MYCBP: variants seen among roughly 807,000 people sequenced by gnomAD.
The protein encoded by MYCBP is MYC binding protein.
MYCBP carries 5 observed loss-of-function variants against 16.8 expected under a neutral mutation model. The ratio of observed to expected loss-of-function variants is 0.30; its 90% confidence interval spans 0.16 to 0.63. The LOEUF (loss-of-function observed/expected upper bound fraction) is 0.63, where lower values mean the gene tolerates loss of function less well. MYCBP is among the 20% of genes least tolerant of loss of function. The pLI is 0.83. For synonymous variants in MYCBP, 35 were observed against 43.7 expected (o/e 0.80, Z 0.79); for missense variants, 103 against 121.8 (o/e 0.85, Z 0.73).
intron 2 of MYCBP, among the ~76,000 whole-genome samples, chr1:38,868,547 G>A (rs1437433726): frequency 6.6e-6 from 1 of 152,068 alleles, no homozygotes; most frequent in Non-Finnish European, 1.5e-5. Flanking sequence ...CTAAATCAGT[G>A]GTTGGCCTTT....
At chr1:38,868,052 T>C (rs1642376032) in intron 2 of MYCBP, among the ~76,000 whole-genome samples, 1 of 152,204 alleles carries the variant, frequency 6.6e-6, no homozygotes, top group African/African-American at 2.4e-5. Context: ...GGAAAGGTGG[T>C]CATGGCCAGA....
chr1:38,868,676 C>T (rs536770659), intron 2 of MYCBP, among the ~76,000 whole-genome samples: 11 of 152,186 alleles, frequency 7.2e-5, no homozygotes, highest in South Asian at 2.1e-4. Context: ...GAGGCCAAGG[C>T]GGGCAGATCA....
rs1244930832 is a variant in MYCBP, at chr1:38,873,295, T to C, written c.11A>G (p.Tyr4Cys). 7 of 1,603,134 alleles carry C rather than the reference T, an allele frequency of 4.4e-6. 1 individual carries two copies. Among genetic ancestry groups the C allele is most frequent in the South Asian group, 2.2e-5 (2 of 90,756 alleles). Reference sequence around the variant, plus strand: ...GCCACGCCGCGCCCCCCTCACTTTGTAATGGGCCATAGTGACAGCGGCAGC... The same window carrying C: ...GCCACGCCGCGCCCCCCTCACTTTGCAATGGGCCATAGTGACAGCGGCAGC... The part of the protein sequence containing the change: MAH[Y>C]KAADSKREQF... The change falls in exon 1 of 5, where the codon TAC becomes TGC. Residue 4 changes from tyrosine to cysteine, a missense_variant. By Grantham distance (194) the Tyr-to-Cys change is radical. Transcript: ENST00000397572.
chr1:38,866,277 A>C (rs947300611), intron 4 of MYCBP, among the ~76,000 whole-genome samples: 1 of 151,762 alleles, frequency 6.6e-6, no homozygotes, highest in African/African-American at 2.4e-5. Flanking sequence ...GGAACACCTG[A>C]CCGCAGGTGA....
At chr1:38,866,846 A>G (rs1414709773) in intron 4 of MYCBP, 34 bp downstream of exon 4, 1 of 1,428,464 alleles carries the variant, frequency 7.0e-7, no homozygotes, top group Non-Finnish European at 9.5e-7. Context: ...TACAGGTAAA[A>G]TTATTTGAAT....
intron 4 of MYCBP, 80 bp downstream of exon 4, chr1:38,866,800 C>A: frequency 8.8e-7 from 1 of 1,142,760 alleles, no homozygotes; most frequent in Non-Finnish European, 1.2e-6. Flanking sequence ...CCCTCCCCTC[C>A]TGTCCATTTC....
rs1025076126 is a variant in MYCBP at position 38,864,056 on chromosome 1, G to C, written c.*614C>G. 1 of 153,074 alleles carries C rather than the reference G, an allele frequency of 6.5e-6. No individual in the cohort carries two copies. The highest frequency in any genetic ancestry group is 1.5e-5 in the Non-Finnish European group (1 of 68,396). The allele number at this position is 153,074 out of a possible 1,614,324, so 9.5% of individuals were successfully genotyped here. ...TGCAACTAGGACCCACTAAAGCTCAGAGGAAAGCAATGCAAGATTATCAGA... is the reference window on the plus strand; with the variant it reads ...TGCAACTAGGACCCACTAAAGCTCACAGGAAAGCAATGCAAGATTATCAGA... On this transcript the variant is annotated 3_prime_UTR_variant, in exon 5 of 5. Transcript: ENST00000397572.
At position 38,873,281 on chromosome 1, in the gene MYCBP, C is replaced by T. The variant is rs1318395229; in HGVS notation, c.15+10G>A. 1.9e-6 allele frequency: 3 copies of T among 1,601,326 alleles called. No homozygotes were observed. The highest frequency in any genetic ancestry group is 3.4e-5 in the Admixed American group (2 of 59,620). ...CCCGCATGCCCCCAGCCACGCCGCG[C>T]CCCCCTCACTTTGTAATGGGCCATA... On this transcript the variant is annotated intron_variant, in intron 1 of 4. Transcript: ENST00000397572.
chr1:38,865,462 GA>G (rs1642315573), intron 4 of MYCBP, among the ~76,000 whole-genome samples: 1 of 152,156 alleles, frequency 6.6e-6, no homozygotes, highest in South Asian at 2.1e-4. Context: ...AAAGACTTAA[GA>G]GTTGACTAAT....
intron 4 of MYCBP, 118 bp from the exon 5 acceptor site, chr1:38,864,832 A>T: frequency 1.2e-6 from 1 of 864,252 alleles, no homozygotes; most frequent in South Asian, 1.5e-5. Context: ...TATTAATATC[A>T]GTTTCTATAA....
At chr1:38,873,148 C>T (rs558734559) in intron 1 of MYCBP, 58 bp from the exon 2 acceptor site, 1 of 1,551,954 alleles carries the variant, frequency 6.4e-7, no homozygotes, top group African/African-American at 1.4e-5. Flanking sequence ...GAAGAAGGCG[C>T]TGGGAGTCCG....
chr1:38,872,882 C>A, intron 2 of MYCBP, 136 bp downstream of exon 2: 1 of 1,021,402 alleles, frequency 9.8e-7, no homozygotes, highest in Non-Finnish European at 1.4e-6. Flanking sequence ...TGCTGAACCC[C>A]GAGGCCCACC....
At chr1:38,867,096 T>TCACC (rs1252307308) in intron 3 of MYCBP, 87 bp from the exon 4 acceptor site, 3 of 1,252,874 alleles carry the variant, frequency 2.4e-6, no homozygotes, top group Non-Finnish European at 3.3e-6. Context: ...CTGACCAGAG[T>TCACC]CACCCACTTT....
chr1:38,873,132 G>T lies in MYCBP; in HGVS notation c.16-42C>A, dbSNP rs374910711. 140 of 1,552,778 alleles carry T rather than the reference G, an allele frequency of 9.0e-5. No individual in the cohort carries two copies. In the African/African-American group the frequency reaches 1.8e-3, roughly 20 times the overall value. ...GGTCAGTGGCCAGAGCCCGGGAGCC[G>T]AGCAGGAAGAAGGCGCTGGGAGTCC... On this transcript the variant is annotated intron_variant, in intron 1 of 4. Coordinates refer to ENST00000397572, the MANE Select transcript of MYCBP (RefSeq NM_012333.5).
rs371950267 is a variant in MYCBP at position 38,864,659 on chromosome 1, T to C, written c.*11A>G. 3 of 1,613,670 alleles carry C rather than the reference T, an allele frequency of 1.9e-6. No homozygotes were observed. Among genetic ancestry groups the C allele is most frequent in the African/African-American group, 2.7e-5 (2 of 74,920 alleles). Reference sequence around the variant, plus strand: ...AACCATTTTTCATTGTCTTTCAAACTGAGAAGAATCCTATTCAGCACGCTT... The same window carrying C: ...AACCATTTTTCATTGTCTTTCAAACCGAGAAGAATCCTATTCAGCACGCTT... On this transcript the variant is annotated 3_prime_UTR_variant, in exon 5 of 5. Coordinates refer to ENST00000397572, the MANE Select transcript of MYCBP (RefSeq NM_012333.5).
chr1:38,872,880 C>G (rs1642495445), intron 2 of MYCBP, 138 bp downstream of exon 2: 1 of 1,001,578 alleles, frequency 1.0e-6, no homozygotes, highest in African/African-American at 1.6e-5. Context: ...CCTGCTGAAC[C>G]CCGAGGCCCA....
At position 38,870,799 on chromosome 1, in the gene MYCBP, C is replaced by CAAAAAAA. The variant is rs60684785; in HGVS notation, c.88+2212_88+2218dup. ...TGGGCGACAGAGCGAGACTCCGTCT[C>CAAAAAAA]AAAAAAAAAAAAAAAAAAAAAAAAA... On this transcript the variant is annotated intron_variant, in intron 2 of 4. Transcript: ENST00000397572. 6.3e-4 allele frequency among the ~76,000 whole-genome samples: 38 copies of CAAAAAAA among 60,686 alleles called. 1 individual carries two copies. Among genetic ancestry groups the CAAAAAAA allele is most frequent in the Admixed American group, 1.1e-3 (4 of 3,590 alleles). 39.8% of individuals were successfully genotyped at this position (60,686 alleles called of 152,430 possible).
At chr1:38,868,814 G>C (rs1281481158) in intron 2 of MYCBP, among the ~76,000 whole-genome samples, 4 of 152,098 alleles carry the variant, frequency 2.6e-5, no homozygotes, top group African/African-American at 9.7e-5. Context: ...GCTGAGGCAG[G>C]AGAATGGCGT....
At position 38,868,758 on chromosome 1, in the gene MYCBP, G is replaced by A. The variant is rs373773718; in HGVS notation, c.89-1148C>T. 3.9e-5 allele frequency among the ~76,000 whole-genome samples: 6 copies of A among 151,932 alleles called. No individual in the cohort carries two copies. In the East Asian group the frequency reaches 5.8e-4, roughly 15 times the overall value. ...GTCTCTACTAAAAAATACAAAAAAT[G>A]AGCCAGGCGTGGTGGCGGGCGGCTG... On this transcript the variant is annotated intron_variant, in intron 2 of 4. Coordinates refer to ENST00000397572, the MANE Select transcript of MYCBP (RefSeq NM_012333.5).
Sources: gnomAD v4.1 joint callset for allele counts (sites outside exome capture counted in the v4.1 genomes callset) on GRCh38, gnomAD v4.1.1 for gene constraint, MANE v1.5 for transcripts, NCBI Gene and HGNC (gene_info 2026-07-23, HGNC 2026-07-21) for gene names.